LRRC63: variants seen among roughly 807,000 people sequenced by gnomAD.
LRRC63 encodes the protein leucine rich repeat containing 63, also known as leucine-rich repeat-containing protein 63.
In LRRC63, 40 loss-of-function variants were observed where a neutral mutation model predicts 49.5. The ratio of observed to expected loss-of-function variants is 0.81; its 90% CI spans 0.63 to 1.05. LRRC63 has a LOEUF of 1.05. Among genes scored for constraint, LRRC63 ranks in the 50% least tolerant of loss-of-function variants. The pLI is 0.00. For synonymous variants in LRRC63, 191 were observed against 221.1 expected, an observed-to-expected ratio of 0.86 and a Z score of 1.21; for missense variants, 636 against 663.1, an observed-to-expected ratio of 0.96 and a Z score of 0.45.
chr13:46,242,621 T>C (rs1246186559), intron 5 of LRRC63, among the ~76,000 whole-genome samples: 1 of 152,092 alleles, frequency 6.6e-6, no homozygotes, highest in Non-Finnish European at 1.5e-5. Context: ...AGGTACATCA[T>C]AATCAAATTA....
At chr13:46,262,059 GA>G in intron 8 of LRRC63, 67 bp downstream of exon 8, 1 of 495,352 alleles carries the variant, frequency 2.0e-6, no homozygotes, top group Non-Finnish European at 3.2e-6. Context: ...TTGTGATAGA[GA>G]AAATCAATCC....
chr13:46,237,126 C>T (rs535942714), intron 5 of LRRC63, among the ~76,000 whole-genome samples: 5 of 151,830 alleles, frequency 3.3e-5, no homozygotes, highest in Admixed American at 1.3e-4. Flanking sequence ...AAGGCTGTAA[C>T]GAAGGGAATG....
At chr13:46,270,575 G>A (rs763393016) in intron 9 of LRRC63, 14 of 873,930 alleles carry the variant, frequency 1.6e-5, no homozygotes, top group Non-Finnish European at 2.7e-5. Flanking sequence ...AAAACGGTAT[G>A]AAGAAGTCAT....
Position 46,250,413 on chromosome 13 carries a change from T to C in LRRC63, c.1148T>C (p.Ile383Thr), listed in dbSNP as rs1476734099. The change falls in exon 7 of 10, where the codon ATT (isoleucine) becomes ACT (threonine). Residue 383 changes from isoleucine to threonine, a missense_variant. Physicochemically the swap from Ile to Thr is moderately conservative, Grantham distance 89. Coordinates refer to ENST00000595396, the Ensembl canonical transcript of LRRC63. ...TTGAGAAATAATCCTATCAAAGAAA[T>C]TCCTTCTGAAATTCAACAACTTGAG... 2.0e-6 allele frequency: 3 copies of C among 1,529,534 alleles called. No individual in the cohort carries two copies. In the East Asian group the frequency reaches 7.4e-5, roughly 38 times the overall value. The allele number at this position is 1,529,534 out of a possible 1,614,324, so 94.7% of individuals were successfully genotyped here.
intron 8 of LRRC63, among the ~76,000 whole-genome samples, chr13:46,265,053 G>C (rs766426522): frequency 6.6e-6 from 1 of 152,066 alleles, no homozygotes; most frequent in African/African-American, 2.4e-5. Context: ...CCAGCTACTC[G>C]TGAGACTGAG....
At chr13:46,258,287 G>C (rs1029634233) in intron 7 of LRRC63, among the ~76,000 whole-genome samples, 2 of 151,114 alleles carry the variant, frequency 1.3e-5, no homozygotes, top group Admixed American at 6.6e-5. Flanking sequence ...GCGCCACCAT[G>C]CCTGGCTAAT....
intron 2 of LRRC63, among the ~76,000 whole-genome samples, chr13:46,216,702 C>A (rs2046261065): frequency 6.6e-6 from 1 of 152,170 alleles, no homozygotes; most frequent in African/African-American, 2.4e-5. Context: ...GGGAATGCTT[C>A]CAGCTTTTGC....
At chr13:46,245,296 C>T (rs1925999) in intron 5 of LRRC63, among the ~76,000 whole-genome samples, 79,575 of 151,964 alleles carry the variant, frequency 0.52, 24,582 homozygotes, top group African/African-American at 0.85. Context: ...TTGATATGTG[C>T]AGTCAAAAAC....
intron 4 of LRRC63, among the ~76,000 whole-genome samples, chr13:46,232,111 G>A (rs2046780780): frequency 1.3e-5 from 2 of 152,190 alleles, no homozygotes; most frequent in East Asian, 1.9e-4. Context: ...CACTGCGCCC[G>A]GCCTGCCACA....
rs113594077 is a variant in LRRC63, at chr13:46,231,916, C to T, written c.833-2276C>T. Among the ~76,000 whole-genome samples, 174 of 148,404 alleles carry T rather than the reference C, an allele frequency of 1.2e-3. 3 individuals carry two copies. The highest frequency in any genetic ancestry group is 0.011 in the Middle Eastern group (3 of 270). On this transcript the variant is annotated intron_variant, in intron 4 of 9. Coordinates refer to ENST00000595396, the Ensembl canonical transcript of LRRC63. Reference sequence around the variant, plus strand: ...CTGCAAGCTCCACCTCCCAGGTTCGCGCCATTCTCCTGCCTCAGCCTCACG... The same window carrying T: ...CTGCAAGCTCCACCTCCCAGGTTCGTGCCATTCTCCTGCCTCAGCCTCACG...
At chr13:46,274,916 A>G (rs2047812237) in intron 9 of LRRC63, among the ~76,000 whole-genome samples, 1 of 152,106 alleles carries the variant, frequency 6.6e-6, no homozygotes, top group African/African-American at 2.4e-5. Context: ...ATATTCACCT[A>G]CAGTGCTATA....
At chr13:46,265,576 C>A (rs12584783) in intron 8 of LRRC63, among the ~76,000 whole-genome samples, 2 of 151,940 alleles carry the variant, frequency 1.3e-5, no homozygotes, top group South Asian at 4.1e-4. Context: ...TATAAGGGCA[C>A]TAATCTCACG....
chr13:46,259,041 G>A (rs1389017840), intron 7 of LRRC63, among the ~76,000 whole-genome samples: 2 of 152,098 alleles, frequency 1.3e-5, no homozygotes, highest in Non-Finnish European at 2.9e-5. Flanking sequence ...TCGTTCCTAA[G>A]GTTTTGCTTT....
chr13:46,242,652 A>C (rs2146894), intron 5 of LRRC63, among the ~76,000 whole-genome samples: 20,097 of 152,050 alleles, frequency 0.13, 1,828 homozygotes, highest in African/African-American at 0.25. Flanking sequence ...AAGAGAAAGA[A>C]TATTTGAAGC....
At chr13:46,266,328 A>G (rs780687593) in intron 8 of LRRC63, among the ~76,000 whole-genome samples, 29 of 152,256 alleles carry the variant, frequency 1.9e-4, no homozygotes, top group Non-Finnish European at 3.4e-4. Context: ...ATGTTTTGAT[A>G]GCATAAATTT....
intron 7 of LRRC63, 98 bp downstream of exon 7, chr13:46,250,589 A>G (rs143605882): frequency 9.7e-7 from 1 of 1,025,670 alleles, no homozygotes. Flanking sequence ...CTTTTTGGCT[A>G]TTTAGTAATT....
Position 46,228,800 on chromosome 13 carries a change from G to C in LRRC63, c.832+67G>C, listed in dbSNP as rs555229766. On this transcript the variant is annotated intron_variant, in intron 4 of 9. Coordinates refer to ENST00000595396, the Ensembl canonical transcript of LRRC63. ...AAGATTATATCTTTAAAAAATTATG[G>C]GTGATTTTTTGTGTTTATGTGTGTG... 2.9e-5 allele frequency: 33 copies of C among 1,133,428 alleles called. No homozygotes were observed. The African/African-American group carries it at 4.3e-4, about 15-fold the overall frequency. The allele number at this position is 1,133,428 out of a possible 1,614,324, so 70.2% of individuals were successfully genotyped here.
At chr13:46,240,584 C>T (rs546932207) in intron 5 of LRRC63, among the ~76,000 whole-genome samples, 116 of 152,248 alleles carry the variant, frequency 7.6e-4, no homozygotes, top group Non-Finnish European at 1.5e-3. Context: ...TAGAAAACCT[C>T]GTAGTCTCAG....
rs181480489 is a variant in LRRC63, at chr13:46,270,616, G to A, written c.1550+3644G>A. 1.9e-4 allele frequency: 157 copies of A among 848,040 alleles called. 1 individual carries two copies. In the African/African-American group the frequency reaches 1.9e-3, roughly 10 times the overall value. The allele number at this position is 848,040 out of a possible 1,614,324, so 52.5% of individuals were successfully genotyped here. A position where few individuals can be genotyped will look rare whatever the true frequency, so the allele number is the denominator to read the frequency against. ...AATGCATTAATGCCACAACAGTGAC[G>A]TCATGAGGACTGACATGGAGCAAAA... On this transcript the variant is annotated intron_variant, in intron 9 of 9. Transcript: ENST00000595396.
Sources: gnomAD v4.1 joint callset for allele counts (sites outside exome capture counted in the v4.1 genomes callset) on GRCh38, gnomAD v4.1.1 for gene constraint, MANE v1.5 for transcripts, NCBI Gene and HGNC (gene_info 2026-07-23, HGNC 2026-07-21) for gene names.